Variants in MPP7 observed in about 807,000 individuals in gnomAD.
MPP7 encodes MAGUK p55 subfamily member 7.
MPP7 carries 60 observed loss-of-function variants against 76.5 expected under a neutral mutation model. The observed-to-expected ratio is 0.78, with a 90% confidence interval of 0.64 to 0.97. MPP7 has a LOEUF of 0.97. Ranked by LOEUF, MPP7 falls within the 50% of genes least tolerant of loss-of-function variation. MPP7 has a pLI of 0.00. For synonymous variants in MPP7, 237 were observed against 244.5 expected (o/e 0.97, Z 0.29); for missense variants, 641 against 694.0 (o/e 0.92, Z 0.86).
intron 1 of MPP7, among the ~76,000 whole-genome samples, chr10:28,262,231 A>G (rs1212676824): frequency 5.3e-5 from 4 of 75,130 alleles, no homozygotes; most frequent in Non-Finnish European, 8.7e-5. Context: ...ATATACATAT[A>G]TATATATATA....
chr10:28,064,612 T>TA (rs1851920765), intron 13 of MPP7, among the ~76,000 whole-genome samples: 1 of 152,182 alleles, frequency 6.6e-6, no homozygotes, highest in Admixed American at 6.5e-5. Flanking sequence ...CTTGATGTTA[T>TA]AAAAAAGAAT....
At chr10:28,090,625 A>G (rs2133452988) in intron 11 of MPP7, among the ~76,000 whole-genome samples, 2 of 152,370 alleles carry the variant, frequency 1.3e-5, no homozygotes, top group South Asian at 4.1e-4. Flanking sequence ...CACAGGCAGC[A>G]TCTATTGTTA....
intron 2 of MPP7, among the ~76,000 whole-genome samples, chr10:28,206,680 C>A (rs1837959081): frequency 6.6e-6 from 1 of 151,986 alleles, no homozygotes; most frequent in Non-Finnish European, 1.5e-5. Context: ...ATTTTCATTT[C>A]TAGATAAGCT....
chr10:28,062,921 A>C (rs1851849548), intron 13 of MPP7, among the ~76,000 whole-genome samples: 1 of 152,214 alleles, frequency 6.6e-6, no homozygotes. Context: ...ATGTCTTTGC[A>C]ACCTTGAGAT....
intron 11 of MPP7, among the ~76,000 whole-genome samples, chr10:28,108,687 A>T: frequency 6.8e-6 from 1 of 146,506 alleles, no homozygotes; most frequent in Non-Finnish European, 1.5e-5. Flanking sequence ...ATAAAATAAT[A>T]TAAAATAATA....
chr10:28,266,571 AAAAAAAG>A (rs948574393), intron 1 of MPP7, among the ~76,000 whole-genome samples: 4 of 152,186 alleles, frequency 2.6e-5, no homozygotes, highest in African/African-American at 9.7e-5. Flanking sequence ...CCCTGACTTT[AAAAAAAG>A]AAAAAAGAAA....
At chr10:28,328,215 A>T (rs1834436440) in intron 2 of MPP7, among the ~76,000 whole-genome samples, 1 of 152,216 alleles carries the variant, frequency 6.6e-6, no homozygotes, top group African/African-American at 2.4e-5. Flanking sequence ...TTTTACCTAC[A>T]TGCGAAGGTT....
At chr10:28,067,748 GAT>G (rs535080128) in intron 13 of MPP7, among the ~76,000 whole-genome samples, 259 of 152,236 alleles carry the variant, frequency 1.7e-3, no homozygotes, top group Non-Finnish European at 2.7e-3. Flanking sequence ...TTGGCTTATG[GAT>G]ATTTCTCATC....
intron 1 of MPP7, among the ~76,000 whole-genome samples, chr10:28,262,991 G>A (rs1357241515): frequency 6.6e-6 from 1 of 152,146 alleles, no homozygotes; most frequent in Non-Finnish European, 1.5e-5. Context: ...AGGAGGCGGA[G>A]GCTGCAGTGA....
At chr10:28,076,320 G>T (rs1852480524) in intron 12 of MPP7, among the ~76,000 whole-genome samples, 1 of 152,134 alleles carries the variant, frequency 6.6e-6, no homozygotes, top group African/African-American at 2.4e-5. Flanking sequence ...AAGGGCGAAA[G>T]ACATAAGTGC....
rs541573536 is a variant in MPP7 at position 28,125,062 on chromosome 10, G to C, written c.477C>G (p.Thr159=). 6 of 1,613,852 alleles carry C rather than the reference G, an allele frequency of 3.7e-6. No individual in the cohort carries two copies. Among genetic ancestry groups the C allele is most frequent in the East Asian group, 4.5e-5 (2 of 44,846 alleles). ...TGATTCTGGCCACAATGATCGCCCC[G>C]GTCTGTTCATCCTTCTTAATGGTAG... The part of the protein sequence containing the change: ...LGATIKKDEQ[T]GAIIVARIMR... The change falls in exon 7 of 17, where the codon ACC becomes ACG. Residue 159 remains threonine, a synonymous_variant. Coordinates refer to ENST00000683449, the MANE Select transcript of MPP7 (RefSeq NM_001318170.2).
At position 28,309,281 on chromosome 10, in the gene MPP7, G is replaced by A. The variant is rs553052091; in HGVS notation, c.-132+20648C>T. Among the ~76,000 whole-genome samples, 4 of 152,166 alleles carry A rather than the reference G, an allele frequency of 2.6e-5. No homozygotes were observed. In the South Asian group the frequency reaches 8.3e-4, roughly 32 times the overall value. ...ATACAAAAATTAGCTGAGCGTGGTGGCAGGTGCCTGTAGTCCCAGCTACTC... is the reference window on the plus strand; with the variant it reads ...ATACAAAAATTAGCTGAGCGTGGTGACAGGTGCCTGTAGTCCCAGCTACTC... On this transcript the variant is annotated intron_variant, in intron 2 of 11. Transcript: ENST00000441595.
At chr10:28,285,845 G>GT (rs879782334) in intron 1 of MPP7, among the ~76,000 whole-genome samples, 1,727 of 145,892 alleles carry the variant, frequency 0.012, 21 homozygotes, top group African/African-American at 0.039. Flanking sequence ...GTGGTAGCCT[G>GT]TTTTTTTTTT....
intron 6 of MPP7, among the ~76,000 whole-genome samples, chr10:28,131,181 C>T (rs1267907499): frequency 1.3e-5 from 2 of 152,104 alleles, no homozygotes; most frequent in Non-Finnish European, 2.9e-5. Flanking sequence ...GTTGGACCTG[C>T]TGTAAATTAG....
chr10:28,218,250 G>A (rs890438294), intron 2 of MPP7, among the ~76,000 whole-genome samples: 3 of 152,130 alleles, frequency 2.0e-5, no homozygotes, highest in Admixed American at 6.6e-5. Context: ...GTAGGGCAGC[G>A]GTGGTAGAGA....
chr10:28,326,827 A>G (rs1148180), intron 2 of MPP7, among the ~76,000 whole-genome samples: 37,387 of 152,076 alleles, frequency 0.25, 6,054 homozygotes, highest in African/African-American at 0.46. Flanking sequence ...GAGAGTTTGC[A>G]AACCCCAGCT....
At chr10:28,225,039 G>T (rs937105516) in intron 2 of MPP7, among the ~76,000 whole-genome samples, 1 of 152,022 alleles carries the variant, frequency 6.6e-6, no homozygotes, top group African/African-American at 2.4e-5. Context: ...ACACAAACTA[G>T]TGCTTCCCAG....
At chr10:28,199,933 C>T (rs1447735384) in intron 3 of MPP7, among the ~76,000 whole-genome samples, 2 of 151,950 alleles carry the variant, frequency 1.3e-5, no homozygotes, top group African/African-American at 4.8e-5. Context: ...TATGAAAATT[C>T]TGTACTAGAA....
rs560925488 is a variant in MPP7, at chr10:28,168,387, C to T, written c.157-18328G>A. ...TGTCAATTATATGTATTACAATTAT[C>T]TTCTCTCAAATTACGGCTAGTTTTT... On this transcript the variant is annotated intron_variant, in intron 3 of 16. Coordinates refer to ENST00000683449, the MANE Select transcript of MPP7 (RefSeq NM_001318170.2). Among the ~76,000 whole-genome samples, 55 of 152,228 alleles carry T rather than the reference C, an allele frequency of 3.6e-4. No homozygotes were observed. The South Asian group carries it at 0.011, about 30-fold the overall frequency.
Sources: gnomAD v4.1 joint callset for allele counts (sites outside exome capture counted in the v4.1 genomes callset) on GRCh38, gnomAD v4.1.1 for gene constraint, MANE v1.5 for transcripts, NCBI Gene and HGNC (gene_info 2026-07-23, HGNC 2026-07-21) for gene names.